ATXN1: variants seen among roughly 807,000 people sequenced by gnomAD.
The protein encoded by ATXN1 is ataxin-1.
In ATXN1, 8 loss-of-function variants were observed where a neutral mutation model predicts 56.4. The ratio of observed to expected loss-of-function variants is 0.14; its 90% CI spans 0.08 to 0.26. ATXN1 has a LOEUF of 0.26. Among genes scored for constraint, ATXN1 ranks in the 10% least tolerant of loss-of-function variants. The probability of loss-of-function intolerance (pLI) is 1.00; values close to 1 mark genes in which losing one functional copy is unlikely to be tolerated. For missense variants in ATXN1, 987 were observed against 1,106.5 expected (o/e 0.89, Z 1.53); for synonymous variants, 514 against 494.6 (o/e 1.04, Z -0.52).
At chr6:16,549,256 T>G (rs1170510169) in intron 4 of ATXN1, among the ~76,000 whole-genome samples, 7 of 152,184 alleles carry the variant, frequency 4.6e-5, no homozygotes, top group Non-Finnish European at 1.0e-4. Flanking sequence ...ATTACCATTA[T>G]CAAGCATTAT....
At chr6:16,732,711 A>G (rs1760018209) in intron 2 of ATXN1, among the ~76,000 whole-genome samples, 1 of 152,214 alleles carries the variant, frequency 6.6e-6, no homozygotes, top group South Asian at 2.1e-4. Flanking sequence ...GAAAAATATT[A>G]AGCAACCAAA....
chr6:16,351,405 GT>G lies in ATXN1; in HGVS notation c.-160-22936del, dbSNP rs35998688. ...CAGTGAATGTTTTTTTAATTTCAGG[GT>G]TTTTTTTTTTTTTTGAAACAAGGTC... On this transcript the variant is annotated intron_variant, in intron 6 of 7. Coordinates refer to ENST00000436367, the MANE Select transcript of ATXN1 (RefSeq NM_001128164.2). Among the ~76,000 whole-genome samples, 402 of 139,704 alleles carry G rather than the reference GT, an allele frequency of 2.9e-3. 1 individual carries two copies. The highest frequency in any genetic ancestry group is 5.2e-3 in the African/African-American group (197 of 38,108). The allele number at this position is 139,704 out of a possible 152,430, so 91.7% of individuals were successfully genotyped here.
chr6:16,307,699 T>G (rs1760284569), intron 7 of ATXN1, among the ~76,000 whole-genome samples: 1 of 151,402 alleles, frequency 6.6e-6, no homozygotes, highest in Non-Finnish European at 1.5e-5. Flanking sequence ...AAAAGTCAAT[T>G]TCCAATGTCC....
intron 3 of ATXN1, among the ~76,000 whole-genome samples, chr6:16,621,643 A>G (rs1232840155): frequency 2.0e-5 from 3 of 152,090 alleles, no homozygotes; most frequent in Admixed American, 6.6e-5. Context: ...CCGGGAGGCA[A>G]TGGAGGTTGC....
chr6:16,374,966 G>A lies in ATXN1; in HGVS notation c.-160-46496C>T, dbSNP rs117671216. 6.6e-5 allele frequency among the ~76,000 whole-genome samples: 10 copies of A among 152,356 alleles called. No homozygotes were observed. In the East Asian group the frequency reaches 1.9e-3, roughly 29 times the overall value. On this transcript the variant is annotated intron_variant, in intron 6 of 7. Coordinates refer to ENST00000436367, the MANE Select transcript of ATXN1 (RefSeq NM_001128164.2). Reference sequence around the variant, plus strand: ...AATTGGTCTGACTGACTTTGCGGCAGCAGCTGAGCCCTGCTAACTTCCCTT... The same window carrying A: ...AATTGGTCTGACTGACTTTGCGGCAACAGCTGAGCCCTGCTAACTTCCCTT...
chr6:16,423,522 G>T (rs568887296), intron 6 of ATXN1, among the ~76,000 whole-genome samples: 10 of 152,242 alleles, frequency 6.6e-5, no homozygotes, highest in African/African-American at 2.2e-4. Context: ...CGGGATTTGG[G>T]GTTTTAGGGG....
intron 5 of ATXN1, among the ~76,000 whole-genome samples, chr6:16,502,834 C>T (rs775989833): frequency 6.6e-6 from 1 of 152,182 alleles, no homozygotes; most frequent in Non-Finnish European, 1.5e-5. Flanking sequence ...TAAGTGGACC[C>T]TTATGACAGT....
At chr6:16,691,322 T>C (rs758256354) in intron 2 of ATXN1, among the ~76,000 whole-genome samples, 20 of 152,284 alleles carry the variant, frequency 1.3e-4, no homozygotes, top group Non-Finnish European at 2.6e-4. Flanking sequence ...CTAAGTAAAA[T>C]TTACTGAAAG....
intron 2 of ATXN1, among the ~76,000 whole-genome samples, chr6:16,687,657 TACAC>T (rs57034032): frequency 0.021 from 3,014 of 143,372 alleles, 34 homozygotes; most frequent in African/African-American, 0.037. Context: ...AAAGAAGAAA[TACAC>T]ACACACACAC....
chr6:16,642,390 G>A (rs1037212066), intron 3 of ATXN1, among the ~76,000 whole-genome samples: 4 of 152,008 alleles, frequency 2.6e-5, no homozygotes, highest in Non-Finnish European at 2.9e-5. Flanking sequence ...ACGAGACTCC[G>A]TCTCAAAACA....
At chr6:16,735,504 T>G (rs1249727226) in intron 2 of ATXN1, among the ~76,000 whole-genome samples, 3 of 152,120 alleles carry the variant, frequency 2.0e-5, no homozygotes, top group Non-Finnish European at 4.4e-5. Flanking sequence ...ATCTAATGGT[T>G]TATAAGAAAA....
chr6:16,602,047 T>A (rs928639473), intron 3 of ATXN1, among the ~76,000 whole-genome samples: 15 of 152,300 alleles, frequency 9.8e-5, no homozygotes, highest in Non-Finnish European at 1.2e-4. Flanking sequence ...AAATTAATAT[T>A]GCCCCCATAT....
intron 2 of ATXN1, among the ~76,000 whole-genome samples, chr6:16,706,077 C>T (rs1004187253): frequency 1.3e-5 from 2 of 152,096 alleles, no homozygotes; most frequent in African/African-American, 4.8e-5. Context: ...TCAGCCCATC[C>T]ATATAATACT....
intron 6 of ATXN1, among the ~76,000 whole-genome samples, chr6:16,458,136 G>C (rs1759916979): frequency 6.6e-6 from 1 of 152,182 alleles, no homozygotes; most frequent in Admixed American, 6.5e-5. Context: ...TGGTATCTTA[G>C]TCAAGTAAAT....
At chr6:16,742,583 A>G (rs1760377170) in intron 2 of ATXN1, among the ~76,000 whole-genome samples, 1 of 152,192 alleles carries the variant, frequency 6.6e-6, no homozygotes, top group African/African-American at 2.4e-5. Flanking sequence ...AGGTTCTGAC[A>G]TATGGTCCAA....
intron 2 of ATXN1, among the ~76,000 whole-genome samples, chr6:16,687,080 C>G (rs1012454159): frequency 2.0e-5 from 3 of 152,226 alleles, no homozygotes; most frequent in Non-Finnish European, 4.4e-5. Flanking sequence ...TAAAAAGCAC[C>G]AAGCCATTGG....
intron 4 of ATXN1, among the ~76,000 whole-genome samples, chr6:16,527,456 T>C (rs571742188): frequency 6.6e-6 from 1 of 152,148 alleles, no homozygotes; most frequent in African/African-American, 2.4e-5. Context: ...CCAAAGGAGA[T>C]AGATACTGGC....
intron 7 of ATXN1, among the ~76,000 whole-genome samples, chr6:16,322,408 T>TG (rs11415112): frequency 0.051 from 7,761 of 152,030 alleles, 498 homozygotes; most frequent in African/African-American, 0.15. Context: ...GGTGTGATGT[T>TG]GGGGGGGTCT....
rs577251485 is a variant in ATXN1, at chr6:16,306,202, C to A, written c.*127G>T. 8.3e-6 allele frequency: 10 copies of A among 1,198,064 alleles called. No homozygotes were observed. The African/African-American group carries it at 1.1e-4, about 13-fold the overall frequency. The allele number at this position is 1,198,064 out of a possible 1,614,324, so 74.2% of individuals were successfully genotyped here. ...GACACACCTGCTGTAACTCTAATGA[C>A]AAGGTTAGAACAGAAACCTAAAATT... On this transcript the variant is annotated 3_prime_UTR_variant, in exon 8 of 8. Transcript: ENST00000436367. This position sits in a 1 kb window ranked among gnomAD's most constrained non-coding sequence, Gnocchi z 5.2.
Sources: allele counts gnomAD v4.1 joint callset (sites outside exome capture counted in the v4.1 genomes callset), GRCh38; gene constraint gnomAD v4.1.1; non-coding constraint Gnocchi (gnomAD v3.1); transcripts MANE v1.5; gene names NCBI Gene and HGNC (gene_info 2026-07-23, HGNC 2026-07-21).